The following ZDHHC20 variants were observed in gnomAD, a reference collection of about 807,000 sequenced individuals.
ZDHHC20 encodes the protein zDHHC palmitoyltransferase 20.
ZDHHC20 carries 43 observed loss-of-function variants against 57.8 expected under a neutral mutation model. The ratio of observed to expected loss-of-function variants is 0.74; its 90% CI spans 0.58 to 0.96. ZDHHC20 has a LOEUF of 0.96. ZDHHC20 is among the 40% of genes least tolerant of loss of function. The pLI is 0.00. For synonymous variants in ZDHHC20, 157 were observed against 153.0 expected (o/e 1.03, Z -0.19); for missense variants, 391 against 441.1 (o/e 0.89, Z 1.02).
At chr13:21,436,544 C>T (rs1374507953) in intron 1 of ZDHHC20, among the ~76,000 whole-genome samples, 2 of 152,146 alleles carry the variant, frequency 1.3e-5, no homozygotes, top group Admixed American at 6.5e-5. Context: ...TGTGACGTTA[C>T]TATTGTAATT....
chr13:21,421,139 A>G lies in ZDHHC20; in HGVS notation c.171T>C (p.Ala57=), dbSNP rs1334428824. The G allele has an allele frequency of 2.5e-6, 4 of 1,613,446 alleles. No individual in the cohort carries two copies. In the East Asian group the frequency reaches 8.9e-5, roughly 36 times the overall value. ...CAAACATAACAAAGAACAGATGGAA[A>G]GCCACAAGGTAAACAACGGTCTTTC... ...ENGKTVVYLV[A]FHLFFVMFVW... is the part of the protein sequence containing the mutation. Residue 57 remains alanine (A), a synonymous_variant, in exon 3 of 13, where the codon GCT becomes GCC. Coordinates refer to ENST00000400590, the MANE Select transcript of ZDHHC20 (RefSeq NM_001330059.2).
intron 7 of ZDHHC20, among the ~76,000 whole-genome samples, chr13:21,396,283 T>C (rs1876775501): frequency 6.6e-6 from 1 of 152,196 alleles, no homozygotes; most frequent in Non-Finnish European, 1.5e-5. Flanking sequence ...ACCTACATTG[T>C]AAAACACCTT....
At chr13:21,422,289 A>C (rs542440895) in intron 2 of ZDHHC20, among the ~76,000 whole-genome samples, 2 of 152,010 alleles carry the variant, frequency 1.3e-5, no homozygotes, top group African/African-American at 4.8e-5. Flanking sequence ...AGAAAGACCA[A>C]GAACAATGTA....
At chr13:21,383,504 G>A (rs1218922758) in intron 9 of ZDHHC20, among the ~76,000 whole-genome samples, 2 of 152,178 alleles carry the variant, frequency 1.3e-5, no homozygotes, top group Non-Finnish European at 2.9e-5. Flanking sequence ...TTAGCAGTGT[G>A]AGAACAGACT....
intron 1 of ZDHHC20, among the ~76,000 whole-genome samples, chr13:21,442,721 C>G (rs1314965139): frequency 1.3e-5 from 2 of 152,036 alleles, no homozygotes; most frequent in Non-Finnish European, 2.9e-5. Context: ...CACCACTGGA[C>G]TCCAGCCTGG....
chr13:21,402,817 A>T lies in ZDHHC20; in HGVS notation c.420T>A (p.His140Gln). The T allele has an allele frequency of 6.3e-7, 1 of 1,598,876 alleles. No individual in the cohort carries two copies. The highest frequency in any genetic ancestry group is 8.5e-7 in the Non-Finnish European group (1 of 1,172,358). ...KCQLIKPDRAHHCSACDSCIL... is the reference protein window; with the variant it reads ...KCQLIKPDRAQHCSACDSCIL... ...CTTACGAGTCACAGGCTGAGCAGTG[A>T]TGCGCCCGATCAGGTTTAATCAGCT... The change falls in exon 5 of 13, where the codon CAT becomes CAA. Residue 140 changes from histidine to glutamine, a missense_variant. Around this residue, in one of 3 missense-constraint regions of ZDHHC20, gnomAD observed 185 missense variants for 188.0 expected, o/e 0.98. Coordinates refer to ENST00000400590, the MANE Select transcript of ZDHHC20 (RefSeq NM_001330059.2).
intron 9 of ZDHHC20, among the ~76,000 whole-genome samples, chr13:21,386,023 T>A (rs1460022110): frequency 1.3e-5 from 2 of 152,064 alleles, no homozygotes; most frequent in Non-Finnish European, 2.9e-5. Flanking sequence ...TTACAGAAAA[T>A]AACTTCAAAA....
chr13:21,399,837 A>G (rs1877362205), intron 7 of ZDHHC20, among the ~76,000 whole-genome samples: 1 of 152,188 alleles, frequency 6.6e-6, no homozygotes, highest in South Asian at 2.1e-4. Flanking sequence ...TTTGTTATAA[A>G]GAGCTTCCTT....
intron 1 of ZDHHC20, among the ~76,000 whole-genome samples, chr13:21,445,473 C>G (rs1402002380): frequency 1.3e-5 from 2 of 152,260 alleles, no homozygotes; most frequent in African/African-American, 2.4e-5. Context: ...ATACAATAAA[C>G]AATAATAACA....
chr13:21,447,607 G>A, intron 1 of ZDHHC20, among the ~76,000 whole-genome samples: 3 of 144,814 alleles, frequency 2.1e-5, no homozygotes, highest in African/African-American at 7.5e-5. Context: ...AGGCTGGAGT[G>A]CAGTGGCGTG....
rs77495567 is a variant in ZDHHC20 at position 21,446,390 on chromosome 13, T to A, written c.118+12664A>T. ...TCAGATGCTGAGGATATCCTTTTCA[T>A]GCAATTAGTTTTAAAAGCTTCCCAG... On this transcript the variant is annotated intron_variant, in intron 1 of 12. Transcript: ENST00000400590. Among the ~76,000 whole-genome samples the A allele has an allele frequency of 2.3e-3, 356 of 152,338 alleles. 4 individuals are homozygous for A. Among genetic ancestry groups the A allele is most frequent in the African/African-American group, 8.0e-3 (332 of 41,582 alleles).
At position 21,459,221 on chromosome 13, in the gene ZDHHC20, G is replaced by A; in HGVS notation, c.-50C>T. 5 of 1,460,058 alleles carry A rather than the reference G, an allele frequency of 3.4e-6. No individual in the cohort carries two copies. Among genetic ancestry groups the A allele is most frequent in the Non-Finnish European group, 4.6e-6 (5 of 1,080,504 alleles). The allele number at this position is 1,460,058 out of a possible 1,614,324, so 90.4% of individuals were successfully genotyped here. On this transcript the variant is annotated 5_prime_UTR_variant, in exon 1 of 13. Transcript: ENST00000400590. ...CGCGTCCCACCGTTCTGGGGAGCGC[G>A]GGAGCCCCGGCGACGGTGACTCGGA... is the stretch of plus-strand genomic sequence containing the variant.
chr13:21,453,737 A>G (rs1231317601), intron 1 of ZDHHC20, among the ~76,000 whole-genome samples: 1 of 152,252 alleles, frequency 6.6e-6, no homozygotes, highest in Admixed American at 6.5e-5. Context: ...AAGTGAAATT[A>G]GAAAATAATT....
intron 7 of ZDHHC20, among the ~76,000 whole-genome samples, chr13:21,395,822 T>A (rs1250467129): frequency 1.3e-5 from 2 of 152,038 alleles, no homozygotes; most frequent in African/African-American, 2.4e-5. Flanking sequence ...TTTTCTATAT[T>A]TCTGAGGCTC....
At position 21,375,128 on chromosome 13, in the gene ZDHHC20, T is replaced by C. The variant is rs3759473; in HGVS notation, c.*1568A>G. ...CTGCCTGGGAGACAGAGCAAAACTC[T>C]GTGGAAAAAAGAAGAAAAAAATTTA... On this transcript the variant is annotated 3_prime_UTR_variant, in exon 13 of 13. Transcript: ENST00000400590. 135,356 of 455,942 alleles carry C rather than the reference T, an allele frequency of 0.3. 21,681 individuals are homozygous for C. Among genetic ancestry groups the C allele is most frequent in the South Asian group, 0.33 (21,278 of 64,544 alleles). The allele number at this position is 455,942 out of a possible 1,614,324, so 28.2% of individuals were successfully genotyped here.
At chr13:21,444,847 G>C (rs1883522113) in intron 1 of ZDHHC20, among the ~76,000 whole-genome samples, 2 of 152,234 alleles carry the variant, frequency 1.3e-5, no homozygotes, top group Middle Eastern at 6.8e-3. Context: ...CTTGAGCTTA[G>C]GAGTTGGAGA....
rs940713350 is a variant in ZDHHC20, at chr13:21,375,680, G to A, written c.*1016C>T. On this transcript the variant is annotated 3_prime_UTR_variant, in exon 13 of 13. Coordinates refer to ENST00000400590, the MANE Select transcript of ZDHHC20 (RefSeq NM_001330059.2). ...AATTGCATTTTAAATCACTGTTTAAGCTATTACAGTATTACTGTAAAAAGT... is the reference window on the plus strand; with the variant it reads ...AATTGCATTTTAAATCACTGTTTAAACTATTACAGTATTACTGTAAAAAGT... 4.6e-5 allele frequency: 7 copies of A among 152,752 alleles called. No individual in the cohort carries two copies. Among genetic ancestry groups the A allele is most frequent in the African/African-American group, 1.7e-4 (7 of 41,408 alleles). 9.5% of individuals were successfully genotyped at this position (152,752 alleles called of 1,614,324 possible).
chr13:21,420,968 T>C (rs866642009), intron 3 of ZDHHC20, 93 bp downstream of exon 3: 20 of 932,972 alleles, frequency 2.1e-5, no homozygotes, highest in African/African-American at 9.9e-5. Context: ...ACAGAACACA[T>C]GCATTATGTA....
chr13:21,423,507 C>T (rs1880883015), intron 2 of ZDHHC20, among the ~76,000 whole-genome samples: 1 of 151,988 alleles, frequency 6.6e-6, no homozygotes, highest in East Asian at 1.9e-4. Flanking sequence ...AGAACTCCAT[C>T]TCTACCAATA....
Sources: gnomAD v4.1 joint callset for allele counts (sites outside exome capture counted in the v4.1 genomes callset) on GRCh38, gnomAD v4.1.1 for gene constraint, gnomAD v4.1.1 regional missense constraint, MANE v1.5 for transcripts, NCBI Gene and HGNC (gene_info 2026-07-23, HGNC 2026-07-21) for gene names.